The following KIAA1217 variants were observed in gnomAD, a reference collection of about 807,000 sequenced individuals.
The protein encoded by KIAA1217 is sickle tail protein homolog.
In KIAA1217, 88 loss-of-function variants were observed where a neutral mutation model predicts 163.9. That is an observed-to-expected ratio of 0.54 (90% CI 0.45 to 0.64). The LOEUF (loss-of-function observed/expected upper bound fraction) is 0.64, where lower values mean the gene tolerates loss of function less well. Among genes scored for constraint, KIAA1217 ranks in the 30% least tolerant of loss-of-function variants. The pLI is 0.00. For missense variants in KIAA1217, 2,372 were observed against 2,475.0 expected (o/e 0.96, Z 0.88); for synonymous variants, 903 against 923.1 (o/e 0.98, Z 0.39).
chr10:23,721,473 C>T (rs55759347), intron 1 of KIAA1217, among the ~76,000 whole-genome samples: 5,712 of 152,054 alleles, frequency 0.038, 332 homozygotes, highest in African/African-American at 0.13. Context: ...CTCATAGCAT[C>T]TTTTTCCTTT....
At chr10:24,248,135 A>G (rs189034776) in intron 2 of KIAA1217, among the ~76,000 whole-genome samples, 218 of 152,162 alleles carry the variant, frequency 1.4e-3, no homozygotes, top group African/African-American at 5.0e-3. Flanking sequence ...CTTTTCCATT[A>G]TAGGATCAGT....
At chr10:24,336,879 C>T (rs576596411) in intron 2 of KIAA1217, among the ~76,000 whole-genome samples, 16 of 152,088 alleles carry the variant, frequency 1.1e-4, no homozygotes, top group Admixed American at 2.6e-4. Context: ...TAAATCTGAA[C>T]GCTTACCTTA....
At chr10:24,216,955 C>T (rs957973295) in intron 1 of KIAA1217, among the ~76,000 whole-genome samples, 1 of 141,646 alleles carries the variant, frequency 7.1e-6, no homozygotes, top group Non-Finnish European at 1.5e-5. Context: ...TTGCTTATGC[C>T]CAGGAGGTAA....
intron 19 of KIAA1217, among the ~76,000 whole-genome samples, 167 bp downstream of exon 19, chr10:24,544,648 C>A (rs530732770): frequency 2.0e-5 from 3 of 151,798 alleles, no homozygotes; most frequent in South Asian, 4.2e-4. Flanking sequence ...CCCTCACCTT[C>A]CAAACAACAA....
chr10:24,385,558 C>T (rs1171131552), intron 3 of KIAA1217, among the ~76,000 whole-genome samples: 1 of 152,092 alleles, frequency 6.6e-6, no homozygotes, highest in Non-Finnish European at 1.5e-5. Flanking sequence ...TAGAAATTTA[C>T]AAAGAAGAAA....
intron 2 of KIAA1217, among the ~76,000 whole-genome samples, chr10:24,122,135 A>G (rs543699389): frequency 2.6e-5 from 4 of 152,070 alleles, no homozygotes; most frequent in Non-Finnish European, 5.9e-5. Context: ...CCCAATAGGA[A>G]GTTTTCAGCC....
upstream of KIAA1217, among the ~76,000 whole-genome samples, chr10:24,207,712 G>A (rs947237006): frequency 6.6e-6 from 1 of 152,198 alleles, no homozygotes; most frequent in African/African-American, 2.4e-5. Flanking sequence ...GAATTGAGGG[G>A]CTCTCTTCTT....
chr10:23,934,593 ATATATATATATATG>A (rs1564545714), intron 1 of KIAA1217, among the ~76,000 whole-genome samples: 4 of 64,916 alleles, frequency 6.2e-5, no homozygotes, highest in South Asian at 4.0e-4. Context: ...ATATATATGT[ATATATATATATATG>A]TATATATATA....
chr10:23,757,817 C>T (rs185081154), intron 1 of KIAA1217, among the ~76,000 whole-genome samples: 2 of 152,288 alleles, frequency 1.3e-5, no homozygotes, highest in African/African-American at 2.4e-5. Context: ...CACACCCAGC[C>T]TAAGCATCTT....
At chr10:24,408,211 T>C (rs1421795043) in intron 3 of KIAA1217, among the ~76,000 whole-genome samples, 1 of 152,244 alleles carries the variant, frequency 6.6e-6, no homozygotes, top group Non-Finnish European at 1.5e-5. Flanking sequence ...ATTAGTTAAT[T>C]GTGCAGTATA....
intron 2 of KIAA1217, chr10:24,239,352 T>G (rs903856567): frequency 3.1e-6 from 3 of 968,432 alleles, no homozygotes; most frequent in African/African-American, 1.8e-5. Context: ...ATATGCGGGG[T>G]TTTTTTCTTC....
At chr10:24,444,135 T>A (rs2060725310) in intron 5 of KIAA1217, among the ~76,000 whole-genome samples, 2 of 152,024 alleles carry the variant, frequency 1.3e-5, no homozygotes, top group Admixed American at 1.3e-4. Flanking sequence ...CTTAGCCTCT[T>A]GAGTAGCCGG....
intron 2 of KIAA1217, among the ~76,000 whole-genome samples, chr10:24,287,693 C>A (rs220355): frequency 0.37 from 56,596 of 151,912 alleles, 11,647 homozygotes; most frequent in Non-Finnish European, 0.47. Flanking sequence ...AGTGGCTTAA[C>A]GTTTATAAAG....
At chr10:24,397,341 GC>G (rs1399622784) in intron 3 of KIAA1217, among the ~76,000 whole-genome samples, 3 of 152,114 alleles carry the variant, frequency 2.0e-5, no homozygotes, top group Non-Finnish European at 4.4e-5. Context: ...ACCCGGCTTG[GC>G]CTCCCAAAGT....
intron 6 of KIAA1217, among the ~76,000 whole-genome samples, chr10:24,480,552 A>G (rs74972877): frequency 6.6e-6 from 1 of 152,206 alleles, no homozygotes; most frequent in African/African-American, 2.4e-5. Context: ...CAACTGTGAC[A>G]TAGAGATAAT....
chr10:23,869,275 A>C (rs1375236639), intron 1 of KIAA1217, among the ~76,000 whole-genome samples: 2 of 151,822 alleles, frequency 1.3e-5, no homozygotes, highest in Admixed American at 1.3e-4. Flanking sequence ...GTCTTGAAGG[A>C]AAAGTGAGTC....
chr10:24,294,628 T>C (rs1488109760), intron 2 of KIAA1217, among the ~76,000 whole-genome samples: 1 of 152,216 alleles, frequency 6.6e-6, no homozygotes, highest in African/African-American at 2.4e-5. Context: ...ATGGTTCTGC[T>C]CCACTGTACA....
intron 2 of KIAA1217, among the ~76,000 whole-genome samples, chr10:24,370,755 A>G (rs192427483): frequency 6.6e-6 from 1 of 151,878 alleles, no homozygotes; most frequent in African/African-American, 2.4e-5. Context: ...GCTAATTTTC[A>G]TGTTGGTTTT....
chr10:24,538,607 A>AGG (rs1195169119), intron 17 of KIAA1217, among the ~76,000 whole-genome samples: 220 of 61,392 alleles, frequency 3.6e-3, no homozygotes, highest in Middle Eastern at 0.014. Context: ...GAAGGAAGGA[A>AGG]AAAGAGAGGA....
Sources: gnomAD v4.1 joint callset for allele counts (sites outside exome capture counted in the v4.1 genomes callset) on GRCh38, gnomAD v4.1.1 for gene constraint, MANE v1.5 for transcripts, NCBI Gene and HGNC (gene_info 2026-07-23, HGNC 2026-07-21) for gene names.